Variants in CEP72 observed in about 807,000 individuals in gnomAD.
CEP72 encodes the protein centrosomal protein of 72 kDa.
In CEP72, 78 loss-of-function variants were observed where a neutral mutation model predicts 65.7. The ratio of observed to expected loss-of-function variants is 1.19; its 90% CI spans 0.99 to 1.43. The LOEUF (loss-of-function observed/expected upper bound fraction) is 1.43. CEP72 is among the 40% of genes most tolerant of loss of function. The pLI is 0.00. For missense variants in CEP72, 914 were observed against 832.9 expected, an observed-to-expected ratio of 1.10 and a Z score of -1.20; for synonymous variants, 358 against 351.7, an observed-to-expected ratio of 1.02 and a Z score of -0.20.
rs142432995 is a variant in CEP72 at position 616,833 on chromosome 5, C to CGT, written c.83-2156_83-2155insTG. On this transcript the variant is annotated intron_variant, in intron 1 of 11. Coordinates refer to ENST00000264935, the MANE Select transcript of CEP72 (RefSeq NM_018140.4). ...GTGTGTGTATGTGTGTGTGTGTGTG[C>CGT]GCGCGAGTGGGGGTTTGCTTGCAGG... Among the ~76,000 whole-genome samples the CGT allele has an allele frequency of 4.2e-3, 613 of 145,964 alleles. 5 individuals carry two copies. Among genetic ancestry groups the CGT allele is most frequent in the African/African-American group, 0.015 (572 of 39,254 alleles).
At chr5:644,267 T>C in intron 9 of CEP72, 32 bp from the exon 10 acceptor site, 2 of 1,605,564 alleles carry the variant, frequency 1.2e-6, no homozygotes, top group Non-Finnish European at 1.7e-6. Flanking sequence ...GAATTTGACT[T>C]GTGCACTTAA....
the CEP72 span, among the ~76,000 whole-genome samples, chr5:672,913 C>T: frequency 0.01 from 1,556 of 152,354 alleles, 14 homozygotes; most frequent in South Asian, 0.023. Context: ...AACAAACAAG[C>T]GCTGCCATGG....
chr5:637,810 A>T lies in CEP72; in HGVS notation c.1198A>T (p.Thr400Ser), dbSNP rs1737716227. 6.4e-7 allele frequency: 1 copy of T among 1,560,510 alleles called. No individual in the cohort carries two copies. The highest frequency in any genetic ancestry group is 1.4e-5 in the African/African-American group (1 of 73,548). Residue 400 changes from threonine (T) to serine (S), a missense_variant, in exon 7 of 12, where the codon ACC (threonine) becomes TCC (serine). Transcript: ENST00000264935. Reference protein sequence around the residue: ...EEQRSRGVTDTREPSPGSHSA... With the variant: ...EEQRSRGVTDSREPSPGSHSA... ...GCAGAGGTCTCGGGGTGTGACCGAC[A>T]CCAGAGAGGTGAGAGAAGGGCTGGG...
intron 1 of CEP72, among the ~76,000 whole-genome samples, chr5:616,810 GTGTGTA>G (rs1401919748): frequency 0.01 from 1,422 of 136,608 alleles, 10 homozygotes; most frequent in Middle Eastern, 0.014. Context: ...GTGTGTGTGT[GTGTGTA>G]TGTGTGTGTG....
chr5:647,788 TTTTC>T lies in CEP72; in HGVS notation c.1667-11_1667-8del. On this transcript the variant is annotated splice_polypyrimidine_tract_variant and intron_variant, in intron 10 of 11. Transcript: ENST00000264935. ...TTTTACTCATTAATGGTACTTTTTT[TTTTC>T]TTTCTCTTTCAGGACTTCAAACAAG... 6.4e-7 allele frequency: 1 copy of T among 1,571,346 alleles called. No individual in the cohort carries two copies. The highest frequency in any genetic ancestry group is 8.7e-7 in the Non-Finnish European group (1 of 1,152,142).
chr5:634,374 G>A (rs1201295759), intron 5 of CEP72, among the ~76,000 whole-genome samples: 2 of 152,212 alleles, frequency 1.3e-5, no homozygotes, highest in Non-Finnish European at 2.9e-5. Context: ...TCCGTTGCCC[G>A]GTGGCACTGC....
intron 9 of CEP72, among the ~76,000 whole-genome samples, chr5:643,875 G>T (rs1738231081): frequency 6.6e-6 from 1 of 152,262 alleles, no homozygotes; most frequent in Non-Finnish European, 1.5e-5. Context: ...ACAGAAGGGG[G>T]TTCCTGCAGG....
At chr5:665,015 C>T (rs1739834803) in intron 2 of CEP72, 1 of 1,475,536 alleles carries the variant, frequency 6.8e-7, no homozygotes, top group Non-Finnish European at 9.1e-7. Context: ...AGTTCTGCCC[C>T]AGTTAGTACA....
intron 10 of CEP72, among the ~76,000 whole-genome samples, chr5:647,136 C>T (rs995812676): frequency 6.6e-6 from 1 of 152,214 alleles, no homozygotes; most frequent in Non-Finnish European, 1.5e-5. Flanking sequence ...AAGAGCCTGC[C>T]ATCCGTGTCA....
At chr5:647,056 G>A (rs191468234) in intron 10 of CEP72, among the ~76,000 whole-genome samples, 18 of 152,316 alleles carry the variant, frequency 1.2e-4, no homozygotes, top group Admixed American at 1.1e-3. Flanking sequence ...CATGTCCATC[G>A]ACATAGACTT....
intron 1 of CEP72, among the ~76,000 whole-genome samples, chr5:613,235 G>C (rs1735786509): frequency 6.6e-6 from 1 of 152,192 alleles, no homozygotes; most frequent in Admixed American, 6.5e-5. Flanking sequence ...TGGACCAACA[G>C]GTTCAGTCAG....
At chr5:669,810 C>G (rs1006002756), downstream of CEP72, among the ~76,000 whole-genome samples, 26 of 152,216 alleles carry the variant, frequency 1.7e-4, no homozygotes, top group Admixed American at 3.3e-4. Context: ...GGGTGCCCCC[C>G]GCCTGGGGCA....
At position 624,111 on chromosome 5, in the gene CEP72, G is replaced by A. The variant is rs1379689975; in HGVS notation, c.404-360G>A. ...GGCCTCCTGGAAGTTGCAGCCTCTC[G>A]GGCCGGGCAGGCTCCCTCCGTGGAG... On this transcript the variant is annotated intron_variant, in intron 3 of 11. Transcript: ENST00000264935. This position sits in a 1 kb window ranked among gnomAD's most constrained non-coding sequence, Gnocchi z 4.7. 1.3e-5 allele frequency among the ~76,000 whole-genome samples: 2 copies of A among 152,166 alleles called. No individual in the cohort carries two copies. Among genetic ancestry groups the A allele is most frequent in the South Asian group, 2.1e-4 (1 of 4,830 alleles).
chr5:666,548 A>C (rs985086927), intron 4 of CEP72, among the ~76,000 whole-genome samples: 1 of 152,142 alleles, frequency 6.6e-6, no homozygotes, highest in African/African-American at 2.4e-5. Context: ...ACACAGGAAC[A>C]TGGTTAGGAG....
intron 3 of CEP72, among the ~76,000 whole-genome samples, chr5:665,727 C>T (rs1469760298): frequency 3.0e-5 from 4 of 134,758 alleles, no homozygotes; most frequent in African/African-American, 1.1e-4. Context: ...CAGTCCATGC[C>T]CTTCCTGACC....
rs746751502 is a variant in CEP72, at chr5:652,973, C to G, written c.1779-15C>G. The stretch of plus-strand genomic sequence containing the variant: ...GACGGAAGTGCCAAGCAGCCGCTTC[C>G]CTGTTGTTCTGCAGCTCCCTGGTCA... On this transcript the variant is annotated splice_polypyrimidine_tract_variant and intron_variant, in intron 11 of 11. Coordinates refer to ENST00000264935, the MANE Select transcript of CEP72 (RefSeq NM_018140.4). The G allele has an allele frequency of 3.8e-6, 6 of 1,592,404 alleles. No homozygotes were observed. In the East Asian group the frequency reaches 1.4e-4, roughly 36 times the overall value.
In CEP72 at chr5:629,235, T is replaced by C. The variant is rs142526011; in HGVS notation, c.513-4534T>C. ...GGGTCATATTCTGACACACCTCTGATTTCAGCCATTATGAAAACATTCTCC... is the reference window on the plus strand; with the variant it reads ...GGGTCATATTCTGACACACCTCTGACTTCAGCCATTATGAAAACATTCTCC... On this transcript the variant is annotated intron_variant, in intron 4 of 11. Transcript: ENST00000264935. Among the ~76,000 whole-genome samples, 434 of 152,392 alleles carry C rather than the reference T, an allele frequency of 2.8e-3. 2 individuals are homozygous for C. The highest frequency in any genetic ancestry group is 9.9e-3 in the African/African-American group (413 of 41,606).
At position 647,929 on chromosome 5, in the gene CEP72, GA is replaced by G; in HGVS notation, c.1778+14del. On this transcript the variant is annotated intron_variant, in intron 11 of 11. Coordinates refer to ENST00000264935, the MANE Select transcript of CEP72 (RefSeq NM_018140.4). ...AGGAGAGCCACAGGTGCCTGCCCGT[GA>G]GACTTGGGTGGGCCCCCGAGGGGAG... 1 of 1,599,926 alleles carries G rather than the reference GA, an allele frequency of 6.3e-7. No individual in the cohort carries two copies. The highest frequency in any genetic ancestry group is 1.7e-5 in the Admixed American group (1 of 59,574).
At chr5:674,794 G>GGCA in the CEP72 span, among the ~76,000 whole-genome samples, 1 of 151,748 alleles carries the variant, frequency 6.6e-6, no homozygotes, top group African/African-American at 2.4e-5. Flanking sequence ...AGGGGACAGT[G>GGCA]GGCTGGTCTG....
Sources: allele counts gnomAD v4.1 joint callset (sites outside exome capture counted in the v4.1 genomes callset), GRCh38; gene constraint gnomAD v4.1.1; non-coding constraint Gnocchi (gnomAD v3.1); transcripts MANE v1.5; gene names NCBI Gene and HGNC (gene_info 2026-07-23, HGNC 2026-07-21).